The following SUSD1 variants were observed in gnomAD, a reference collection of about 807,000 sequenced individuals.
SUSD1 encodes the protein sushi domain-containing protein 1.
SUSD1 carries 65 observed loss-of-function variants against 86.9 expected under a neutral mutation model. The ratio of observed to expected loss-of-function variants is 0.75; its 90% CI spans 0.61 to 0.92. The LOEUF is 0.92. SUSD1 is among the 40% of genes least tolerant of loss of function. The probability of loss-of-function intolerance (pLI) is 0.00; values close to 1 mark genes in which losing one functional copy is unlikely to be tolerated. For synonymous variants in SUSD1, 346 were observed against 350.0 expected (o/e 0.99, Z 0.13); for missense variants, 850 against 929.7 (o/e 0.91, Z 1.11).
chr9:112,086,162 A>T (rs1047244820), intron 10 of SUSD1, among the ~76,000 whole-genome samples: 1 of 151,822 alleles, frequency 6.6e-6, no homozygotes, highest in Non-Finnish European at 1.5e-5. Context: ...TACAAAAAAT[A>T]AAAAAGTTAG....
At chr9:112,083,624 A>T (rs1347780353) in intron 10 of SUSD1, among the ~76,000 whole-genome samples, 1 of 152,224 alleles carries the variant, frequency 6.6e-6, no homozygotes, top group Non-Finnish European at 1.5e-5. Context: ...GTATATTATA[A>T]GACAAAAATA....
At chr9:112,103,585 G>A (rs1830714202) in intron 8 of SUSD1, among the ~76,000 whole-genome samples, 1 of 152,176 alleles carries the variant, frequency 6.6e-6, no homozygotes, top group African/African-American at 2.4e-5. Context: ...TCTGAATTCA[G>A]GGGAAGATGG....
At chr9:112,068,269 T>C (rs2131520117) in intron 12 of SUSD1, among the ~76,000 whole-genome samples, 1 of 151,938 alleles carries the variant, frequency 6.6e-6, no homozygotes, top group Admixed American at 6.5e-5. Flanking sequence ...AGGCATGAGG[T>C]GGTGGCAGGG....
intron 6 of SUSD1, 79 bp from the exon 7 acceptor site, chr9:112,112,947 G>T: frequency 1.2e-6 from 1 of 818,512 alleles, no homozygotes; most frequent in Non-Finnish European, 2.1e-6. Context: ...CAGTCTCTCT[G>T]CATAGCTGGT....
At chr9:112,121,565 C>T (rs1042308066) in intron 6 of SUSD1, among the ~76,000 whole-genome samples, 1 of 152,150 alleles carries the variant, frequency 6.6e-6, no homozygotes, top group Non-Finnish European at 1.5e-5. Context: ...CCTCAAATTC[C>T]CATCCCCAAC....
Position 112,080,183 on chromosome 9 carries a change from T to C in SUSD1, c.1475-18A>G, listed in dbSNP as rs201153383. On this transcript the variant is annotated intron_variant, in intron 10 of 16. Transcript: ENST00000374270. ...CTGTTTTACTGTAGTGGAAAAGAAA[T>C]GAGAAATCAATTTACACTCTATAGA... The C allele has an allele frequency of 3.8e-6, 6 of 1,577,224 alleles. No homozygotes were observed. The East Asian group carries it at 1.1e-4, about 29-fold the overall frequency.
intron 8 of SUSD1, among the ~76,000 whole-genome samples, chr9:112,107,262 A>T (rs1830886411): frequency 6.7e-6 from 1 of 150,206 alleles, no homozygotes. Flanking sequence ...CTCAAAAAAA[A>T]AAAAAAAAAA....
At chr9:112,077,974 G>A (rs1424580529) in intron 12 of SUSD1, among the ~76,000 whole-genome samples, 1 of 152,086 alleles carries the variant, frequency 6.6e-6, no homozygotes, top group African/African-American at 2.4e-5. Flanking sequence ...CATCAATGCT[G>A]ACATTTTGTT....
At chr9:112,169,566 A>G (rs1833954246) in intron 1 of SUSD1, among the ~76,000 whole-genome samples, 2 of 151,964 alleles carry the variant, frequency 1.3e-5, no homozygotes, top group South Asian at 2.1e-4. Context: ...ACTGAGTGCC[A>G]TTCATTTACG....
At chr9:112,094,471 G>A (rs1241430249) in intron 10 of SUSD1, among the ~76,000 whole-genome samples, 2 of 152,100 alleles carry the variant, frequency 1.3e-5, no homozygotes, top group Non-Finnish European at 2.9e-5. Context: ...CTCTTTGGGG[G>A]CTAAAGTAGA....
intron 10 of SUSD1, among the ~76,000 whole-genome samples, chr9:112,092,927 G>C (rs1475893033): frequency 3.9e-5 from 6 of 152,144 alleles, no homozygotes; most frequent in Admixed American, 3.9e-4. Context: ...CTATGTCCAT[G>C]AGAACACAAA....
chr9:112,167,294 G>A (rs186475842), intron 1 of SUSD1, among the ~76,000 whole-genome samples: 1 of 152,032 alleles, frequency 6.6e-6, no homozygotes, highest in African/African-American at 2.4e-5. Context: ...ATAGACACGG[G>A]ATCTCCCTAT....
intron 10 of SUSD1, among the ~76,000 whole-genome samples, chr9:112,093,312 C>G (rs538762943): frequency 6.6e-6 from 1 of 152,276 alleles, no homozygotes; most frequent in South Asian, 2.1e-4. Context: ...GGTTGCCACC[C>G]AAACAAAAGG....
chr9:112,131,341 G>T (rs543965430), intron 5 of SUSD1, among the ~76,000 whole-genome samples: 56 of 152,298 alleles, frequency 3.7e-4, no homozygotes, highest in African/African-American at 1.3e-3. Context: ...CGATGACAAC[G>T]CCTCCTGCCC....
At chr9:112,096,591 G>C (rs1463627526) in intron 10 of SUSD1, among the ~76,000 whole-genome samples, 1 of 152,086 alleles carries the variant, frequency 6.6e-6, no homozygotes, top group Non-Finnish European at 1.5e-5. Context: ...CCAGGCTGAA[G>C]TGCAGTGGCG....
At chr9:112,151,812 C>T (rs1335024821) in intron 2 of SUSD1, among the ~76,000 whole-genome samples, 1 of 149,618 alleles carries the variant, frequency 6.7e-6, no homozygotes, top group Non-Finnish European at 1.5e-5. Flanking sequence ...CTGAGGTGGG[C>T]GGATCACCTG....
intron 6 of SUSD1, among the ~76,000 whole-genome samples, chr9:112,115,813 A>AAAAAAAAG: frequency 6.3e-5 from 1 of 15,930 alleles, no homozygotes; most frequent in Admixed American, 1.2e-3. Context: ...CATTGCAAAA[A>AAAAAAAAG]AAAAAAAAAA....
intron 12 of SUSD1, among the ~76,000 whole-genome samples, chr9:112,074,173 G>A (rs1017772714): frequency 9.9e-5 from 15 of 152,066 alleles, no homozygotes; most frequent in Admixed American, 7.9e-4. Flanking sequence ...CTCAGATCAC[G>A]CCACTGCACT....
chr9:112,065,203 C>T (rs991356432), intron 12 of SUSD1, among the ~76,000 whole-genome samples: 48 of 152,210 alleles, frequency 3.2e-4, no homozygotes, highest in South Asian at 1.2e-3. Context: ...ATTTTCATCC[C>T]CTTTGAGTGA....
Sources: allele counts gnomAD v4.1 joint callset (sites outside exome capture counted in the v4.1 genomes callset), GRCh38; gene constraint gnomAD v4.1.1; transcripts MANE v1.5; gene names NCBI Gene and HGNC (gene_info 2026-07-23, HGNC 2026-07-21).